The following ZC3H11A variants were observed in gnomAD, a reference collection of about 807,000 sequenced individuals.
ZC3H11A encodes the protein zinc finger CCCH-type containing 11A.
ZC3H11A carries 22 observed loss-of-function variants against 90.8 expected under a neutral mutation model. The observed-to-expected ratio is 0.24, with a 90% CI of 0.17 to 0.35. The LOEUF is 0.35. Among genes scored for constraint, ZC3H11A ranks in the 10% least tolerant of loss-of-function variants. ZC3H11A has a pLI of 1.00. For missense variants in ZC3H11A, 701 were observed against 964.9 expected (o/e 0.73, Z 3.62); for synonymous variants, 294 against 339.8 (o/e 0.87, Z 1.48).
At chr1:203,844,561 G>C (rs1231723556) in intron 12 of ZC3H11A, among the ~76,000 whole-genome samples, 1 of 151,942 alleles carries the variant, frequency 6.6e-6, no homozygotes, top group Non-Finnish European at 1.5e-5. Flanking sequence ...ATTTATTTTG[G>C]TTTATCTTAA....
intron 15 of ZC3H11A, 48 bp downstream of exon 15, chr1:203,850,074 A>G (rs766702893): frequency 3.8e-5 from 60 of 1,565,868 alleles, no homozygotes; most frequent in Admixed American, 5.6e-5. Context: ...AAAATTACCA[A>G]ATTCAACCCA....
In ZC3H11A at chr1:203,810,611, G is replaced by T. The variant is rs192728173; in HGVS notation, c.-145-6315G>T. The stretch of plus-strand genomic sequence containing the variant: ...ATTTTTTGTATTTTTAGTAGAGATG[G>T]GGTTTCACAGTGTCAGCCAGGATGG... On this transcript the variant is annotated intron_variant, in intron 2 of 17. Coordinates refer to ENST00000367210, the MANE Select transcript of ZC3H11A (RefSeq NM_001376342.1). Among the ~76,000 whole-genome samples the T allele has an allele frequency of 3.9e-3, 599 of 151,842 alleles. 6 individuals carry two copies. The highest frequency in any genetic ancestry group is 0.028 in the Middle Eastern group (8 of 288).
intron 11 of ZC3H11A, among the ~76,000 whole-genome samples, chr1:203,838,547 T>C (rs1440480878): frequency 2.6e-5 from 4 of 152,228 alleles, no homozygotes; most frequent in African/African-American, 9.6e-5. Context: ...GAACTGCATA[T>C]GGCTGAAACA....
At chr1:203,800,643 A>T (rs577448752) in intron 1 of ZC3H11A, 2 of 531,156 alleles carry the variant, frequency 3.8e-6, no homozygotes, top group Non-Finnish European at 6.2e-6. Context: ...AAGATTTCAT[A>T]GCTATAACTG....
intron 1 of ZC3H11A, chr1:203,797,894 T>C (rs1222165967): frequency 5.2e-6 from 8 of 1,535,980 alleles, no homozygotes; most frequent in African/African-American, 4.1e-5. Context: ...AACAGATCTA[T>C]CTACCTAGTA....
chr1:203,805,174 G>A (rs1671881691), intron 2 of ZC3H11A, among the ~76,000 whole-genome samples: 1 of 141,660 alleles, frequency 7.1e-6, no homozygotes, highest in Non-Finnish European at 1.5e-5. Context: ...ACAGAGTCTT[G>A]CTCTGTCGCC....
intron 7 of ZC3H11A, 29 bp from the exon 8 acceptor site, chr1:203,830,094 C>G: frequency 6.5e-7 from 1 of 1,541,118 alleles, no homozygotes; most frequent in Non-Finnish European, 8.9e-7. Context: ...GGCTCCCGTT[C>G]CTCATAAAAT....
intron 4 of ZC3H11A, among the ~76,000 whole-genome samples, chr1:203,819,305 T>A (rs886956795): frequency 1.7e-4 from 25 of 149,380 alleles, no homozygotes. Flanking sequence ...TACTGCAACC[T>A]CCACCTCCCA....
chr1:203,850,947 C>A, intron 16 of ZC3H11A, 110 bp from the exon 17 acceptor site: 2 of 1,320,974 alleles, frequency 1.5e-6, no homozygotes. Context: ...CTTAGATTCA[C>A]AGGCTTAAAG....
At position 203,795,681 on chromosome 1, in the gene ZC3H11A, G is replaced by GTGC. The variant is rs1209141948; in HGVS notation, c.-1689_-1687dup. On this transcript the variant is annotated 5_prime_UTR_variant, in exon 1 of 18. Coordinates refer to ENST00000367210, the MANE Select transcript of ZC3H11A (RefSeq NM_001376342.1). Reference sequence around the variant, plus strand: ...CGCTGGCAGTCTTGGTTTTCTGCTAGTGCTGCTGCTGCTGGGAGGACGACG... The same window carrying GTGC: ...CGCTGGCAGTCTTGGTTTTCTGCTAGTGCTGCTGCTGCTGCTGGGAGGACGACG... The GTGC allele has an allele frequency of 1.3e-5, 2 of 152,222 alleles. No homozygotes were observed. The highest frequency in any genetic ancestry group is 6.5e-5 in the Admixed American group (1 of 15,278). The allele number at this position is 152,222 out of a possible 1,614,324, so 9.4% of individuals were successfully genotyped here. A position where few individuals can be genotyped will look rare whatever the true frequency, so the allele number is the denominator to read the frequency against.
At position 203,852,415 on chromosome 1, in the gene ZC3H11A, C is replaced by G. The variant is rs752740009; in HGVS notation, c.*16C>G. The G allele has an allele frequency of 8.1e-6, 13 of 1,606,400 alleles. No homozygotes were observed. The East Asian group carries it at 2.9e-4, about 36-fold the overall frequency. On this transcript the variant is annotated 3_prime_UTR_variant, in exon 18 of 18. Coordinates refer to ENST00000367210, the MANE Select transcript of ZC3H11A (RefSeq NM_001376342.1). ...TGATAGCTGAAGGTGGTAGTGAGGA[C>G]ACTTTAAAAAAAAAATCGCCAAAAA...
intron 17 of ZC3H11A, 65 bp downstream of exon 17, chr1:203,851,189 A>G: frequency 7.2e-7 from 1 of 1,382,468 alleles, no homozygotes; most frequent in Non-Finnish European, 1.0e-6. Flanking sequence ...CTCTCTAGAG[A>G]ATAACACTGA....
At chr1:203,796,221 C>G in intron 1 of ZC3H11A, 1 of 391,028 alleles carries the variant, frequency 2.6e-6, no homozygotes, top group Non-Finnish European at 4.5e-6. Context: ...TCTAGTTGAG[C>G]GGACCCTCAC....
At chr1:203,804,616 T>G (rs754847440) in intron 2 of ZC3H11A, among the ~76,000 whole-genome samples, 1 of 152,076 alleles carries the variant, frequency 6.6e-6, no homozygotes, top group Non-Finnish European at 1.5e-5. Context: ...GTTGATAGAT[T>G]TTCTAGTTTG....
chr1:203,850,962 A>G (rs1689104665), intron 16 of ZC3H11A, 95 bp from the exon 17 acceptor site: 1 of 1,420,834 alleles, frequency 7.0e-7, no homozygotes, highest in African/African-American at 1.4e-5. Flanking sequence ...TTAAAGAATC[A>G]TAGCCACAAT....
chr1:203,819,292 G>A (rs949950130), intron 4 of ZC3H11A, among the ~76,000 whole-genome samples: 3 of 145,888 alleles, frequency 2.1e-5, no homozygotes, highest in African/African-American at 7.6e-5. Flanking sequence ...CGCAATCTCT[G>A]CTTACTGCAA....
In ZC3H11A at chr1:203,850,561, A is replaced by G; in HGVS notation, c.1986A>G (p.Ser662=). ...AGCCATCTGTGGTTAAAGTTGTGTC[A>G]TCCCCCAAATTGGCCCCAAAACGTA... ...NVKPSVVKVV[S]SPKLAPKRKA... is the part of the protein sequence containing the mutation. Residue 662 remains serine (S), a synonymous_variant, in exon 16 of 18, where the codon TCA becomes TCG. Coordinates refer to ENST00000367210, the MANE Select transcript of ZC3H11A (RefSeq NM_001376342.1). 6.2e-7 allele frequency: 1 copy of G among 1,614,008 alleles called. No individual in the cohort carries two copies. The highest frequency in any genetic ancestry group is 8.5e-7 in the Non-Finnish European group (1 of 1,179,888).
In ZC3H11A at chr1:203,802,484, TA is replaced by T. The variant is rs1670821630; in HGVS notation, c.-674del. On this transcript the variant is annotated 5_prime_UTR_variant, in exon 2 of 18. It removes the in-frame stop codon of an upstream open reading frame in the 5' UTR. Transcript: ENST00000367210. Reference sequence around the variant, plus strand: ...TATATCTGTATGTATATTATATACATAAAACACTATATTTTTACATACAAGT... The same window carrying T: ...TATATCTGTATGTATATTATATACATAAACACTATATTTTTACATACAAGT... 1 of 152,530 alleles carries T rather than the reference TA, an allele frequency of 6.6e-6. No individual in the cohort carries two copies. The highest frequency in any genetic ancestry group is 1.5e-5 in the Non-Finnish European group (1 of 68,016). The allele number at this position is 152,530 out of a possible 1,614,324, so 9.4% of individuals were successfully genotyped here.
At chr1:203,813,288 C>T (rs1675143981) in intron 2 of ZC3H11A, among the ~76,000 whole-genome samples, 1 of 151,842 alleles carries the variant, frequency 6.6e-6, no homozygotes, top group Non-Finnish European at 1.5e-5. Flanking sequence ...CTCACTGCAA[C>T]CTCCGCCTCC....
Sources: allele counts gnomAD v4.1 joint callset (sites outside exome capture counted in the v4.1 genomes callset), GRCh38; gene constraint gnomAD v4.1.1; transcripts MANE v1.5; gene names NCBI Gene and HGNC (gene_info 2026-07-23, HGNC 2026-07-21).